The following CYTIP variants were observed in gnomAD, a reference collection of about 807,000 sequenced individuals.
CYTIP encodes the protein cytohesin-interacting protein.
CYTIP carries 26 observed loss-of-function variants against 43.8 expected under a neutral mutation model. The ratio of observed to expected loss-of-function variants is 0.59; its 90% CI spans 0.44 to 0.82. The LOEUF is 0.82. Ranked by LOEUF, CYTIP falls within the 40% of genes least tolerant of loss-of-function variation. CYTIP has a pLI of 0.00. For missense variants in CYTIP, 426 were observed against 443.1 expected (o/e 0.96, Z 0.35); for synonymous variants, 162 against 162.9 (o/e 0.99, Z 0.04).
chr2:157,425,495 G>A (rs996004856), intron 6 of CYTIP, among the ~76,000 whole-genome samples: 1 of 152,044 alleles, frequency 6.6e-6, no homozygotes, highest in Non-Finnish European at 1.5e-5. Flanking sequence ...GTCTTCAATG[G>A]GCATTTTAAA....
chr2:157,417,141 T>C lies in CYTIP; in HGVS notation c.614-998A>G, dbSNP rs201875190. Among the ~76,000 whole-genome samples the C allele has an allele frequency of 2.0e-5, 3 of 152,230 alleles. No individual in the cohort carries two copies. In the East Asian group the frequency reaches 5.8e-4, roughly 29 times the overall value. On this transcript the variant is annotated intron_variant, in intron 7 of 7. Transcript: ENST00000264192. ...CACTGCTGCTGTCTTTTGTCCTCGG[T>C]TGACAATATAAAAAGAAACTGTTCT...
rs1337573514 is a variant in CYTIP at position 157,415,534 on chromosome 2, A to T, written c.*143T>A. On this transcript the variant is annotated 3_prime_UTR_variant, in exon 8 of 8. Transcript: ENST00000264192. ...TGATTTAAGAAGCATAAACTATAAC[A>T]CAACAATTTAAATAAAGGTCACTAT... is the stretch of plus-strand genomic sequence containing the variant. 15 of 631,366 alleles carry T rather than the reference A, an allele frequency of 2.4e-5. No individual in the cohort carries two copies. Among genetic ancestry groups the T allele is most frequent in the Non-Finnish European group, 8.5e-6 (3 of 353,926 alleles). 39.1% of individuals were successfully genotyped at this position (631,366 alleles called of 1,614,324 possible). A position where few individuals can be genotyped will look rare whatever the true frequency, so the allele number is the denominator to read the frequency against.
intron 7 of CYTIP, 126 bp from the exon 8 acceptor site, chr2:157,416,269 T>C (rs1289545978): frequency 1.3e-6 from 1 of 760,248 alleles, no homozygotes; most frequent in East Asian, 2.7e-5. Flanking sequence ...TTCACTGAGC[T>C]TTGGCGTGCT....
chr2:157,441,577 CAT>C (rs1312515487), intron 1 of CYTIP, among the ~76,000 whole-genome samples: 1 of 140,810 alleles, frequency 7.1e-6, no homozygotes, highest in Admixed American at 7.4e-5. Flanking sequence ...TGCCTGTGTG[CAT>C]ATGTGTACAT....
chr2:157,427,329 T>C, intron 6 of CYTIP, 22 bp downstream of exon 6: 1 of 1,589,408 alleles, frequency 6.3e-7, no homozygotes, highest in South Asian at 1.1e-5. Flanking sequence ...AAAATGTGCC[T>C]CACTGCATTA....
chr2:157,429,329 C>T (rs1429031169), intron 5 of CYTIP, among the ~76,000 whole-genome samples: 1 of 152,180 alleles, frequency 6.6e-6, no homozygotes, highest in Non-Finnish European at 1.5e-5. Context: ...TTTGACCATC[C>T]TTCTCTTCAT....
At chr2:157,422,958 C>T (rs187161551) in intron 6 of CYTIP, among the ~76,000 whole-genome samples, 2 of 151,970 alleles carry the variant, frequency 1.3e-5, no homozygotes, top group African/African-American at 4.8e-5. Flanking sequence ...TAAATAAAGA[C>T]CTATGAAATA....
At chr2:157,434,849 TCACACACA>T (rs1214076041) in intron 1 of CYTIP, 102 bp from the exon 2 acceptor site, 36 of 48,708 alleles carry the variant, frequency 7.4e-4, no homozygotes, top group African/African-American at 2.9e-3. Flanking sequence ...TCTCTCTCTC[TCACACACA>T]CACACACACA....
At chr2:157,421,599 G>A (rs1685522775) in intron 6 of CYTIP, among the ~76,000 whole-genome samples, 2 of 152,352 alleles carry the variant, frequency 1.3e-5, no homozygotes, top group South Asian at 4.1e-4. Context: ...CCCATTGGAT[G>A]TGCTGTTTTC....
intron 6 of CYTIP, among the ~76,000 whole-genome samples, chr2:157,419,642 C>A (rs908760038): frequency 1.3e-5 from 2 of 152,220 alleles, no homozygotes; most frequent in African/African-American, 4.8e-5. Context: ...CTATAGCAAG[C>A]CTAGCAAGTG....
At position 157,415,585 on chromosome 2, in the gene CYTIP, G is replaced by A; in HGVS notation, c.*92C>T. On this transcript the variant is annotated 3_prime_UTR_variant, in exon 8 of 8. Coordinates refer to ENST00000264192, the MANE Select transcript of CYTIP (RefSeq NM_004288.5). ...TGCTGTGAAATGGGATGTCAGTTTT[G>A]CAATTCTTCTGCACTTTCCCACCAA... 1 of 795,836 alleles carries A rather than the reference G, an allele frequency of 1.3e-6. No individual in the cohort carries two copies. Among genetic ancestry groups the A allele is most frequent in the Middle Eastern group, 2.4e-4 (1 of 4,230 alleles). The allele number at this position is 795,836 out of a possible 1,614,324, so 49.3% of individuals were successfully genotyped here.
rs770910230 is a variant in CYTIP, at chr2:157,443,855, G to A, written c.166C>T (p.Arg56Ter). 7 of 1,613,834 alleles carry A rather than the reference G, an allele frequency of 4.3e-6. No individual in the cohort carries two copies. Among genetic ancestry groups the A allele is most frequent in the African/African-American group, 1.3e-5 (1 of 74,888 alleles). ...CAAAATAGCAATCATACCTGCTTTCGTCCCCGAGGCAGAGTAGCCACCGTG... is the reference window on the plus strand; with the variant it reads ...CAAAATAGCAATCATACCTGCTTTCATCCCCGAGGCAGAGTAGCCACCGTG... ...ADTVATLPRG[R>*]KQLALTRSSS... The change falls in exon 1 of 8, where the codon CGA becomes TGA. Residue 56 changes from arginine (R) to a stop codon, truncating the protein, a stop_gained. Coordinates refer to ENST00000264192, the MANE Select transcript of CYTIP (RefSeq NM_004288.5). LOFTEE classifies it high-confidence loss of function.
At chr2:157,440,572 C>A (rs1167230065) in intron 1 of CYTIP, among the ~76,000 whole-genome samples, 2 of 152,190 alleles carry the variant, frequency 1.3e-5, no homozygotes, top group Non-Finnish European at 2.9e-5. Context: ...CTGCCGGACA[C>A]ACCGTGAAAG....
chr2:157,430,661 T>C lies in CYTIP; in HGVS notation c.383-9A>G, dbSNP rs757691586. On this transcript the variant is annotated splice_polypyrimidine_tract_variant and intron_variant, in intron 4 of 7. Coordinates refer to ENST00000264192, the MANE Select transcript of CYTIP (RefSeq NM_004288.5). ...ATTTGCAAGGACATCACCTGGGAGATGCCAAGAAAAATGAGTGTTATGTTG... is the reference window on the plus strand; with the variant it reads ...ATTTGCAAGGACATCACCTGGGAGACGCCAAGAAAAATGAGTGTTATGTTG... 6 of 1,613,176 alleles carry C rather than the reference T, an allele frequency of 3.7e-6. No individual in the cohort carries two copies. Among genetic ancestry groups the C allele is most frequent in the Non-Finnish European group, 5.1e-6 (6 of 1,179,124 alleles).
intron 3 of CYTIP, among the ~76,000 whole-genome samples, chr2:157,432,902 G>A (rs1480662791): frequency 6.6e-6 from 1 of 152,152 alleles, no homozygotes; most frequent in African/African-American, 2.4e-5. Context: ...CAGGAGTGTG[G>A]GTTCCTGCAT....
At chr2:157,419,371 C>G (rs1442415827) in intron 6 of CYTIP, among the ~76,000 whole-genome samples, 1 of 152,182 alleles carries the variant, frequency 6.6e-6, no homozygotes, top group Non-Finnish European at 1.5e-5. Context: ...AAACTTAGAA[C>G]ACTGCTAAGC....
At chr2:157,417,513 A>G (rs1685455894) in intron 7 of CYTIP, among the ~76,000 whole-genome samples, 1 of 152,242 alleles carries the variant, frequency 6.6e-6, no homozygotes. Flanking sequence ...AAAAGCCCTC[A>G]TGTCTAAAGA....
In CYTIP at chr2:157,415,611, G is replaced by C. The variant is rs1489081014; in HGVS notation, c.*66C>G. ...CAATTCTTCTGCACTTTCCCACCAA[G>C]CTGGGATCTGGGTGAGTCTAGAGAT... is the stretch of plus-strand genomic sequence containing the variant. On this transcript the variant is annotated 3_prime_UTR_variant, in exon 8 of 8. Coordinates refer to ENST00000264192, the MANE Select transcript of CYTIP (RefSeq NM_004288.5). 2 of 1,126,020 alleles carry C rather than the reference G, an allele frequency of 1.8e-6. No homozygotes were observed. Among genetic ancestry groups the C allele is most frequent in the Non-Finnish European group, 2.6e-6 (2 of 774,872 alleles). 69.8% of individuals were successfully genotyped at this position (1,126,020 alleles called of 1,614,324 possible).
intron 1 of CYTIP, among the ~76,000 whole-genome samples, chr2:157,442,560 T>C (rs1487696354): frequency 6.6e-6 from 1 of 152,168 alleles, no homozygotes; most frequent in East Asian, 1.9e-4. Context: ...ATCTGACTGC[T>C]TTATATCTGA....
Sources: gnomAD v4.1 joint callset for allele counts (sites outside exome capture counted in the v4.1 genomes callset) on GRCh38, gnomAD v4.1.1 for gene constraint, MANE v1.5 for transcripts, NCBI Gene and HGNC (gene_info 2026-07-23, HGNC 2026-07-21) for gene names.